CNTNAP2: variants seen among roughly 807,000 people sequenced by gnomAD.
CNTNAP2 encodes the protein contactin associated protein 2.
CNTNAP2 carries 98 observed loss-of-function variants against 155.2 expected under a neutral mutation model. That is an observed-to-expected ratio of 0.63 (90% CI 0.54 to 0.75). CNTNAP2 has a LOEUF of 0.75. Ranked by LOEUF, CNTNAP2 falls within the 30% of genes least tolerant of loss-of-function variation. The probability of loss-of-function intolerance (pLI) is 0.00; values close to 1 mark genes in which losing one functional copy is unlikely to be tolerated. For synonymous variants in CNTNAP2, 651 were observed against 631.2 expected (o/e 1.03, Z -0.47); for missense variants, 1,727 against 1,688.1 (o/e 1.02, Z -0.40).
At chr7:147,332,358 A>G (rs1795585398) in intron 9 of CNTNAP2, among the ~76,000 whole-genome samples, 1 of 152,168 alleles carries the variant, frequency 6.6e-6, no homozygotes, top group Non-Finnish European at 1.5e-5. Flanking sequence ...GAAGTTATCC[A>G]TTATAGCAAC....
At chr7:147,761,500 C>T (rs975468466) in intron 13 of CNTNAP2, among the ~76,000 whole-genome samples, 8 of 152,142 alleles carry the variant, frequency 5.3e-5, no homozygotes, top group Admixed American at 4.6e-4. Flanking sequence ...GTACATCCTC[C>T]TGTGCTTCAA....
intron 6 of CNTNAP2, chr7:147,122,510 A>G (rs570369314): frequency 6.6e-6 from 1 of 152,348 alleles, no homozygotes; most frequent in African/African-American, 2.4e-5. Context: ...GATGAGTGCT[A>G]TTGCACTGTA....
Position 147,108,271 on chromosome 7 carries a change from C to G in CNTNAP2, c.675C>G (p.Ile225Met), listed in dbSNP as rs1189253861. The G allele has an allele frequency of 6.2e-7, 1 of 1,613,686 alleles. No individual in the cohort carries two copies. The highest frequency in any genetic ancestry group is 8.5e-7 in the Non-Finnish European group (1 of 1,179,800). ...AGACGTCTGAAAGTGAAGGAGTAAT[C>G]CTGCACGGAGAAGGACAGCAAGGAG... ...NFKTSESEGV[I>M]LHGEGQQGDY... is the part of the protein sequence containing the mutation. Residue 225 changes from isoleucine (I) to methionine (M), a missense_variant, in exon 5 of 24, where the codon ATC (isoleucine) becomes ATG (methionine). Transcript: ENST00000361727.
intron 13 of CNTNAP2, among the ~76,000 whole-genome samples, chr7:147,786,859 C>T (rs762313187): frequency 1.3e-5 from 2 of 152,042 alleles, no homozygotes; most frequent in Non-Finnish European, 2.9e-5. Context: ...GTCCCTGCTA[C>T]TCATGAAACT....
At chr7:146,702,479 C>A (rs528826469) in intron 1 of CNTNAP2, among the ~76,000 whole-genome samples, 1 of 152,068 alleles carries the variant, frequency 6.6e-6, no homozygotes, top group Non-Finnish European at 1.5e-5. Context: ...GCTGTCTAAT[C>A]GAACATTTTG....
At chr7:147,176,480 A>G (rs938427415) in intron 8 of CNTNAP2, among the ~76,000 whole-genome samples, 2 of 151,504 alleles carry the variant, frequency 1.3e-5, no homozygotes, top group Non-Finnish European at 2.9e-5. Flanking sequence ...AAGTCAAAAT[A>G]TTTAAATTCT....
intron 10 of CNTNAP2, among the ~76,000 whole-genome samples, chr7:147,449,603 T>TAA (rs1205318959): frequency 2.0e-5 from 3 of 152,140 alleles, no homozygotes; most frequent in Non-Finnish European, 4.4e-5. Flanking sequence ...AGTCTCAGAT[T>TAA]AAGGACATAG....
At chr7:146,861,625 C>T (rs1038898387) in intron 3 of CNTNAP2, among the ~76,000 whole-genome samples, 6 of 151,984 alleles carry the variant, frequency 3.9e-5, no homozygotes, top group Non-Finnish European at 5.9e-5. Flanking sequence ...AAATTCCCCT[C>T]CTAATTTAAA....
intron 15 of CNTNAP2, among the ~76,000 whole-genome samples, chr7:148,083,643 A>G (rs1446328475): frequency 6.6e-6 from 1 of 152,162 alleles, no homozygotes; most frequent in African/African-American, 2.4e-5. Flanking sequence ...AAATACTGGC[A>G]TTTGAAGGAA....
At chr7:148,164,963 C>T (rs1805623945) in intron 17 of CNTNAP2, among the ~76,000 whole-genome samples, 1 of 151,944 alleles carries the variant, frequency 6.6e-6, no homozygotes, top group South Asian at 2.1e-4. Flanking sequence ...TCTGTACTTT[C>T]CATGGAAACA....
At chr7:146,807,047 T>C (rs1205450640) in intron 2 of CNTNAP2, among the ~76,000 whole-genome samples, 2 of 152,160 alleles carry the variant, frequency 1.3e-5, no homozygotes, top group African/African-American at 4.8e-5. Context: ...TAAACAAAGT[T>C]CCTCAAGTTT....
At chr7:148,241,624 T>A (rs562000768) in intron 20 of CNTNAP2, among the ~76,000 whole-genome samples, 3 of 152,318 alleles carry the variant, frequency 2.0e-5, no homozygotes, top group African/African-American at 7.2e-5. Context: ...CTTCAAGGTT[T>A]CCATGGTGGA....
chr7:148,078,755 A>G (rs1391901951), intron 15 of CNTNAP2, among the ~76,000 whole-genome samples: 1 of 152,246 alleles, frequency 6.6e-6, no homozygotes, highest in African/African-American at 2.4e-5. Context: ...TGCTGGGATT[A>G]TAGGCATAAG....
intron 10 of CNTNAP2, among the ~76,000 whole-genome samples, chr7:147,456,779 G>A (rs1021189841): frequency 3.3e-5 from 5 of 152,144 alleles, no homozygotes; most frequent in South Asian, 2.1e-4. Context: ...CAGTGTTAAT[G>A]GAATGGACGG....
At chr7:147,918,281 G>C (rs989889844) in intron 14 of CNTNAP2, among the ~76,000 whole-genome samples, 5 of 152,194 alleles carry the variant, frequency 3.3e-5, no homozygotes, top group Admixed American at 6.5e-5. Context: ...TAAGCCAAAT[G>C]TGTAGCACTT....
At chr7:146,421,090 A>G (rs1444745625) in intron 1 of CNTNAP2, among the ~76,000 whole-genome samples, 1 of 152,086 alleles carries the variant, frequency 6.6e-6, no homozygotes, top group East Asian at 1.9e-4. Flanking sequence ...TATGATGTCA[A>G]GAAGAGTACA....
chr7:146,958,171 G>A (rs564315111), intron 3 of CNTNAP2, among the ~76,000 whole-genome samples: 2 of 152,090 alleles, frequency 1.3e-5, no homozygotes, highest in Non-Finnish European at 2.9e-5. Flanking sequence ...ACCTCAGGAA[G>A]GTGCAGCTGC....
intron 4 of CNTNAP2, among the ~76,000 whole-genome samples, chr7:147,066,738 G>T (rs544791400): frequency 6.6e-6 from 1 of 152,104 alleles, no homozygotes; most frequent in East Asian, 1.9e-4. Context: ...ACCATGGTGG[G>T]TATTTATTTC....
chr7:147,261,069 A>G (rs1804454164), intron 8 of CNTNAP2, among the ~76,000 whole-genome samples: 1 of 152,192 alleles, frequency 6.6e-6, no homozygotes, highest in South Asian at 2.1e-4. Context: ...ATACTGAACC[A>G]CTTGTAATAA....
Sources: gnomAD v4.1 joint callset for allele counts (sites outside exome capture counted in the v4.1 genomes callset) on GRCh38, gnomAD v4.1.1 for gene constraint, MANE v1.5 for transcripts, NCBI Gene and HGNC (gene_info 2026-07-23, HGNC 2026-07-21) for gene names.